SNX29: variants seen among roughly 807,000 people sequenced by gnomAD.
SNX29 encodes the protein sorting nexin-29.
Under a neutral mutation model 102.1 loss-of-function variants are expected in SNX29, and 78 were observed. The ratio of observed to expected loss-of-function variants is 0.76; its 90% CI spans 0.64 to 0.92. The LOEUF (loss-of-function observed/expected upper bound fraction) is 0.92. SNX29 is among the 40% of genes least tolerant of loss of function. The pLI is 0.00. For missense variants in SNX29, 1,280 were observed against 1,061.7 expected, an observed-to-expected ratio of 1.21 and a Z score of -2.86; for synonymous variants, 580 against 414.5, an observed-to-expected ratio of 1.40 and a Z score of -4.85.
At chr16:12,567,869 G>T (rs2079077263) in intron 20 of SNX29, among the ~76,000 whole-genome samples, 1 of 152,114 alleles carries the variant, frequency 6.6e-6, no homozygotes, top group African/African-American at 2.4e-5. Flanking sequence ...CCTAAAAAAT[G>T]TGCCGAGGGC....
chr16:12,039,484 A>G lies in SNX29; in HGVS notation c.248-3413A>G, dbSNP rs565377504. Among the ~76,000 whole-genome samples the G allele has an allele frequency of 4.6e-5, 7 of 152,316 alleles. No individual in the cohort carries two copies. In the East Asian group the frequency reaches 1.2e-3, roughly 25 times the overall value. On this transcript the variant is annotated intron_variant, in intron 4 of 20. Transcript: ENST00000566228. ...TAGCCTAGTTCGGTTCACAGCTCCC[A>G]GGAAGAATGCAGTGGATCCTAGTGA...
At chr16:12,177,866 T>C (rs545280231) in intron 13 of SNX29, among the ~76,000 whole-genome samples, 2 of 152,138 alleles carry the variant, frequency 1.3e-5, no homozygotes, top group African/African-American at 4.8e-5. Flanking sequence ...TCAGATGAAA[T>C]TCCCCCTGCC....
At chr16:12,408,930 G>T (rs1464051421) in intron 18 of SNX29, among the ~76,000 whole-genome samples, 1 of 152,220 alleles carries the variant, frequency 6.6e-6, no homozygotes, top group Non-Finnish European at 1.5e-5. Flanking sequence ...ATTATATTTG[G>T]CACAGAGGAT....
At chr16:12,146,594 G>A (rs2055075357) in intron 13 of SNX29, among the ~76,000 whole-genome samples, 2 of 152,176 alleles carry the variant, frequency 1.3e-5, no homozygotes, top group East Asian at 3.9e-4. Context: ...CATGGCCCAA[G>A]TTCTTGGCGG....
chr16:12,394,225 C>T (rs1050520551), intron 16 of SNX29, among the ~76,000 whole-genome samples: 1 of 152,184 alleles, frequency 6.6e-6, no homozygotes, highest in Non-Finnish European at 1.5e-5. Context: ...TTTTCTTCAC[C>T]CATCAGAGGT....
In SNX29 at chr16:12,571,448, A is replaced by T. The variant is rs528040383; in HGVS notation, c.*2819A>T. The T allele has an allele frequency of 3.4e-4, 81 of 238,696 alleles. No homozygotes were observed. The highest frequency in any genetic ancestry group is 1.7e-3 in the African/African-American group (75 of 45,434). The allele number at this position is 238,696 out of a possible 1,614,324, so 14.8% of individuals were successfully genotyped here. A position where few individuals can be genotyped will look rare whatever the true frequency, so the allele number is the denominator to read the frequency against. ...AAGATTACTCGGAGATTTTCAAACAACATCTGAGAACAGAAGCCCCCTCCC... is the reference window on the plus strand; with the variant it reads ...AAGATTACTCGGAGATTTTCAAACATCATCTGAGAACAGAAGCCCCCTCCC... On this transcript the variant is annotated 3_prime_UTR_variant, in exon 21 of 21. Transcript: ENST00000566228.
At chr16:12,334,901 CTTTTTTTTT>C (rs36176543) in intron 15 of SNX29, among the ~76,000 whole-genome samples, 2 of 93,608 alleles carry the variant, frequency 2.1e-5, no homozygotes, top group Non-Finnish European at 3.9e-5. Context: ...GCCCCAGAGC[CTTTTTTTTT>C]TTTTTTTTTT....
intron 11 of SNX29, among the ~76,000 whole-genome samples, chr16:12,105,978 A>T (rs544822731): frequency 6.6e-6 from 1 of 152,170 alleles, no homozygotes; most frequent in East Asian, 1.9e-4. Context: ...TTCCTGGAGG[A>T]GTCTGTACTA....
chr16:12,138,461 G>C (rs974176511), intron 13 of SNX29, among the ~76,000 whole-genome samples: 12 of 152,032 alleles, frequency 7.9e-5, no homozygotes, highest in African/African-American at 2.9e-4. Context: ...GCCTGCCTTG[G>C]CCTCCTAAAG....
intron 18 of SNX29, among the ~76,000 whole-genome samples, chr16:12,447,582 A>G (rs1357682457): frequency 1.3e-5 from 2 of 152,250 alleles, no homozygotes; most frequent in African/African-American, 4.8e-5. Context: ...CTGTTCTCCT[A>G]GGTCTTACAG....
intron 14 of SNX29, among the ~76,000 whole-genome samples, chr16:12,270,908 T>A (rs2079073007): frequency 6.6e-6 from 1 of 151,892 alleles, no homozygotes; most frequent in African/African-American, 2.4e-5. Context: ...CTGGGCGTGG[T>A]GGTGTGTGCC....
At chr16:12,536,933 A>G (rs146822235) in intron 20 of SNX29, among the ~76,000 whole-genome samples, 8,709 of 152,244 alleles carry the variant, frequency 0.057, 398 homozygotes, top group East Asian at 0.2. Flanking sequence ...CCGAGATCAC[A>G]GCACTGCACT....
rs369600448 is a variant in SNX29 at position 12,227,513 on chromosome 16, G to T, written c.1678+27830G>T. 3.9e-5 allele frequency among the ~76,000 whole-genome samples: 6 copies of T among 152,294 alleles called. No individual in the cohort carries two copies. The East Asian group carries it at 7.7e-4, about 20-fold the overall frequency. Reference sequence around the variant, plus strand: ...TCAATTCTGTCAACATTTGCTGAGTGTTCTTTTTCTGTGTCAGGCCCTGGG... The same window carrying T: ...TCAATTCTGTCAACATTTGCTGAGTTTTCTTTTTCTGTGTCAGGCCCTGGG... On this transcript the variant is annotated intron_variant, in intron 14 of 20. Transcript: ENST00000566228.
Position 12,212,900 on chromosome 16 carries a change from G to A in SNX29, c.1678+13217G>A, listed in dbSNP as rs929278462. ...AGGCCGAGGTGGTTGAATCACCTGC[G>A]GTCAGGAATTTGAGACGAGCCTGGC... On this transcript the variant is annotated intron_variant, in intron 14 of 20. Transcript: ENST00000566228. Among the ~76,000 whole-genome samples, 7 of 152,116 alleles carry A rather than the reference G, an allele frequency of 4.6e-5. No individual in the cohort carries two copies. The South Asian group carries it at 1.0e-3, about 23-fold the overall frequency.
chr16:12,304,276 C>T (rs1023579095), intron 15 of SNX29, among the ~76,000 whole-genome samples: 43 of 150,664 alleles, frequency 2.9e-4, no homozygotes, highest in African/African-American at 1.0e-3. Flanking sequence ...GTTTTTGGTT[C>T]GGAACTTACT....
chr16:12,365,499 G>T (rs964595962), intron 16 of SNX29, among the ~76,000 whole-genome samples: 3 of 151,244 alleles, frequency 2.0e-5, no homozygotes, highest in African/African-American at 7.3e-5. Context: ...AGACCGGCCT[G>T]GCCAACATGG....
At chr16:12,543,439 A>C (rs1007849007) in intron 20 of SNX29, among the ~76,000 whole-genome samples, 9 of 151,968 alleles carry the variant, frequency 5.9e-5, no homozygotes, top group East Asian at 1.9e-4. Flanking sequence ...GTGGGCAAAC[A>C]TATGTTCATG....
intron 20 of SNX29, among the ~76,000 whole-genome samples, chr16:12,563,588 C>A (rs1231936287): frequency 7.0e-6 from 1 of 142,032 alleles, no homozygotes; most frequent in African/African-American, 2.5e-5. Flanking sequence ...TGGCTTAGGC[C>A]TCCATGTCTG....
chr16:12,520,023 TAAAA>T (rs1053007253), intron 19 of SNX29, among the ~76,000 whole-genome samples: 1 of 151,778 alleles, frequency 6.6e-6, no homozygotes, highest in Admixed American at 6.6e-5. Context: ...ATAATAATAA[TAAAA>T]AAGTAAGAAA....
Sources: allele counts gnomAD v4.1 joint callset (sites outside exome capture counted in the v4.1 genomes callset), GRCh38; gene constraint gnomAD v4.1.1; transcripts MANE v1.5; gene names NCBI Gene and HGNC (gene_info 2026-07-23, HGNC 2026-07-21).